ADGRB3: variants seen among roughly 807,000 people sequenced by gnomAD.
The protein encoded by ADGRB3 is adhesion G protein-coupled receptor B3.
ADGRB3 carries 37 observed loss-of-function variants against 193.4 expected under a neutral mutation model. That is an observed-to-expected ratio of 0.19 (90% CI 0.15 to 0.25). ADGRB3 has a LOEUF of 0.25. ADGRB3 is among the 10% of genes least tolerant of loss of function. The pLI, the probability that ADGRB3 is intolerant of heterozygous loss-of-function variation, is 1.00. For missense variants in ADGRB3, 1,637 were observed against 1,852.9 expected (o/e 0.88, Z 2.14); for synonymous variants, 690 against 644.2 (o/e 1.07, Z -1.08).
At chr6:69,126,180 C>A (rs1321965951) in intron 17 of ADGRB3, among the ~76,000 whole-genome samples, 1 of 151,320 alleles carries the variant, frequency 6.6e-6, no homozygotes, top group East Asian at 2.0e-4. Flanking sequence ...TTAGATTTCC[C>A]CAGAGAAACA....
chr6:68,906,690 C>A (rs1268201248), intron 3 of ADGRB3, among the ~76,000 whole-genome samples: 1 of 151,870 alleles, frequency 6.6e-6, no homozygotes, highest in Non-Finnish European at 1.5e-5. Context: ...ATAATTATTG[C>A]TATTGCAGTT....
intron 30 of ADGRB3, among the ~76,000 whole-genome samples, chr6:69,380,873 A>G (rs1350701658): frequency 6.6e-6 from 1 of 151,942 alleles, no homozygotes; most frequent in South Asian, 2.1e-4. Context: ...GCTTGTAAGC[A>G]TGTATTAAAT....
chr6:69,374,908 C>T (rs779361357), intron 30 of ADGRB3, among the ~76,000 whole-genome samples: 7 of 151,950 alleles, frequency 4.6e-5, no homozygotes, highest in East Asian at 1.9e-4. Context: ...ATGGAAGAGA[C>T]GTTTCAAAGA....
At chr6:69,380,762 T>G (rs1372832186) in intron 30 of ADGRB3, among the ~76,000 whole-genome samples, 2 of 151,968 alleles carry the variant, frequency 1.3e-5, no homozygotes, top group African/African-American at 2.4e-5. Context: ...ATTTGAATTA[T>G]TATGGCTGTG....
chr6:68,942,239 A>G (rs375337790), intron 5 of ADGRB3, among the ~76,000 whole-genome samples: 98 of 152,312 alleles, frequency 6.4e-4, no homozygotes, highest in Non-Finnish European at 1.2e-3. Flanking sequence ...CTAAGCATAC[A>G]TATGAAGAAA....
chr6:69,065,684 G>A (rs1384858672), intron 16 of ADGRB3, among the ~76,000 whole-genome samples: 1 of 151,076 alleles, frequency 6.6e-6, no homozygotes, highest in Non-Finnish European at 1.5e-5. Flanking sequence ...TATAATGTTA[G>A]CTGAAATGTG....
intron 4 of ADGRB3, among the ~76,000 whole-genome samples, chr6:68,931,909 C>G (rs1459615246): frequency 6.6e-6 from 1 of 152,106 alleles, no homozygotes; most frequent in Non-Finnish European, 1.5e-5. Context: ...TAGAAACTTG[C>G]TTATCTGGAT....
chr6:68,968,777 T>A (rs1445589793), intron 8 of ADGRB3, among the ~76,000 whole-genome samples: 1 of 152,184 alleles, frequency 6.6e-6, no homozygotes, highest in Non-Finnish European at 1.5e-5. Flanking sequence ...TTGTCCTAAT[T>A]CTCCTTCTTT....
At chr6:68,944,399 G>T (rs1408722520) in intron 6 of ADGRB3, among the ~76,000 whole-genome samples, 1 of 151,968 alleles carries the variant, frequency 6.6e-6, no homozygotes, top group Non-Finnish European at 1.5e-5. Context: ...ATTCAATTAG[G>T]GAGTGGCAAT....
At position 68,903,825 on chromosome 6, in the gene ADGRB3, A is replaced by C. The variant is rs148639624; in HGVS notation, c.758-26734A>C. Among the ~76,000 whole-genome samples, 469 of 151,720 alleles carry C rather than the reference A, an allele frequency of 3.1e-3. 1 individual carries two copies. Among genetic ancestry groups the C allele is most frequent in the Non-Finnish European group, 5.7e-3 (386 of 67,912 alleles). On this transcript the variant is annotated intron_variant, in intron 3 of 31. Transcript: ENST00000370598. ...CAGGAGAGACCAACCTGGGCAACAT[A>C]GTGACACCCTGTCTATTAAAAAAAT...
chr6:69,191,903 G>T (rs1030597288), intron 17 of ADGRB3, among the ~76,000 whole-genome samples: 2 of 152,118 alleles, frequency 1.3e-5, no homozygotes, highest in Admixed American at 1.3e-4. Context: ...TGAAACAACC[G>T]TTAAGTGACT....
intron 26 of ADGRB3, among the ~76,000 whole-genome samples, chr6:69,351,297 G>A (rs764368284): frequency 6.6e-6 from 1 of 151,938 alleles, no homozygotes; most frequent in Non-Finnish European, 1.5e-5. Flanking sequence ...GTTTTGCCAT[G>A]TTCGCCAGGC....
At chr6:68,667,762 A>G (rs376621111) in intron 3 of ADGRB3, among the ~76,000 whole-genome samples, 6 of 151,808 alleles carry the variant, frequency 4.0e-5, no homozygotes, top group East Asian at 1.9e-4. Flanking sequence ...GAGCTGTAAA[A>G]TTTTCTTGCC....
rs553309728 is a variant in ADGRB3 at position 68,868,639 on chromosome 6, G to A, written c.758-61920G>A. Among the ~76,000 whole-genome samples the A allele has an allele frequency of 2.6e-5, 4 of 152,198 alleles. No individual in the cohort carries two copies. The South Asian group carries it at 8.3e-4, about 32-fold the overall frequency. The stretch of plus-strand genomic sequence containing the variant: ...GCTCCCAAAATACCTATTTTGAAGG[G>A]AGCATAAAATAATGCTATTTATAGA... On this transcript the variant is annotated intron_variant, in intron 3 of 31. Coordinates refer to ENST00000370598, the MANE Select transcript of ADGRB3 (RefSeq NM_001704.3).
At chr6:69,248,513 T>C (rs1473839663) in intron 20 of ADGRB3, among the ~76,000 whole-genome samples, 1 of 152,176 alleles carries the variant, frequency 6.6e-6, no homozygotes, top group African/African-American at 2.4e-5. Context: ...CAGTACGACA[T>C]TGGAATGGTG....
At chr6:69,301,587 A>G (rs562881586) in intron 20 of ADGRB3, among the ~76,000 whole-genome samples, 1 of 152,096 alleles carries the variant, frequency 6.6e-6, no homozygotes, top group African/African-American at 2.4e-5. Flanking sequence ...GGACCCATAC[A>G]AAGCACCACT....
intron 3 of ADGRB3, among the ~76,000 whole-genome samples, chr6:68,835,514 A>T (rs1415961419): frequency 2.0e-5 from 3 of 152,144 alleles, no homozygotes; most frequent in African/African-American, 7.2e-5. Flanking sequence ...TTATTAAGGA[A>T]CTAAGTTACA....
At position 69,264,912 on chromosome 6, in the gene ADGRB3, T is replaced by C. The variant is rs184261884; in HGVS notation, c.2814+25686T>C. Reference sequence around the variant, plus strand: ...AGTCTGAGTCATTGTTCAAGAAATATAGTCCCATTGGTTTATTCCCAAGAA... The same window carrying C: ...AGTCTGAGTCATTGTTCAAGAAATACAGTCCCATTGGTTTATTCCCAAGAA... On this transcript the variant is annotated intron_variant, in intron 20 of 31. Coordinates refer to ENST00000370598, the MANE Select transcript of ADGRB3 (RefSeq NM_001704.3). 1.3e-4 allele frequency among the ~76,000 whole-genome samples: 20 copies of C among 152,066 alleles called. No individual in the cohort carries two copies. In the East Asian group the frequency reaches 3.5e-3, roughly 26 times the overall value.
chr6:69,080,121 A>G (rs1772345378), intron 17 of ADGRB3, among the ~76,000 whole-genome samples: 1 of 152,000 alleles, frequency 6.6e-6, no homozygotes, highest in Non-Finnish European at 1.5e-5. Context: ...TCCCTTTGTC[A>G]TTCATCCTGG....
Sources: gnomAD v4.1 joint callset for allele counts (sites outside exome capture counted in the v4.1 genomes callset) on GRCh38, gnomAD v4.1.1 for gene constraint, MANE v1.5 for transcripts, NCBI Gene and HGNC (gene_info 2026-07-23, HGNC 2026-07-21) for gene names.